The following MLLT3 variants were observed in gnomAD, a reference collection of about 807,000 sequenced individuals.
MLLT3 encodes the protein protein AF-9.
In MLLT3, 4 loss-of-function variants were observed where a neutral mutation model predicts 53.2. The ratio of observed to expected loss-of-function variants is 0.08; its 90% CI spans 0.04 to 0.17. The LOEUF (loss-of-function observed/expected upper bound fraction) is 0.17, where lower values mean the gene tolerates loss of function less well. Among genes scored for constraint, MLLT3 ranks in the 10% least tolerant of loss-of-function variants. The pLI is 1.00. For missense variants in MLLT3, 569 were observed against 684.0 expected (o/e 0.83, Z 1.87); for synonymous variants, 283 against 230.6 (o/e 1.23, Z -2.06).
At chr9:20,410,487 C>A (rs1822700732) in intron 5 of MLLT3, 1 of 152,006 alleles carries the variant, frequency 6.6e-6, no homozygotes, top group Non-Finnish European at 1.5e-5. Context: ...GCCCAAGATC[C>A]CTAGTGGCAC....
intron 3 of MLLT3, among the ~76,000 whole-genome samples, chr9:20,453,488 AG>A (rs1413320428): frequency 2.6e-5 from 4 of 152,234 alleles, no homozygotes; most frequent in Admixed American, 1.3e-4. Flanking sequence ...ACTTGATCTC[AG>A]GAAGTGGAGG....
rs35653310 is a variant in MLLT3, at chr9:20,622,295, A to ACC, written c.-41_-40dup. 7 of 1,460,962 alleles carry ACC rather than the reference A, an allele frequency of 4.8e-6. No individual in the cohort carries two copies. The highest frequency in any genetic ancestry group is 5.5e-6 in the Non-Finnish European group (6 of 1,081,246). 90.5% of individuals were successfully genotyped at this position (1,460,962 alleles called of 1,614,324 possible). A position where few individuals can be genotyped will look rare whatever the true frequency, so the allele number is the denominator to read the frequency against. ...GAGGTTTGCTGGGGTGTTGTGTGGT[A>ACC]CCCCCCCCTCCTCCGCCCCCCCTCA... On this transcript the variant is annotated 5_prime_UTR_variant, in exon 1 of 11. Transcript: ENST00000380338.
At chr9:20,601,837 T>C (rs1184902456) in intron 2 of MLLT3, among the ~76,000 whole-genome samples, 2 of 152,194 alleles carry the variant, frequency 1.3e-5, no homozygotes, top group Non-Finnish European at 2.9e-5. Context: ...CACCAAATTG[T>C]CAAATCACAG....
At position 20,621,113 on chromosome 9, in the gene MLLT3, G is replaced by C; in HGVS notation, c.13-279C>G. ...TATCCCCAGTCGGGAAGGGGGTCGG[G>C]GAAAAGAGGGAGAACACACTCAGCC... On this transcript the variant is annotated intron_variant, in intron 1 of 10. Coordinates refer to ENST00000380338, the MANE Select transcript of MLLT3 (RefSeq NM_004529.4). This position sits in a 1 kb window ranked among gnomAD's most constrained non-coding sequence, Gnocchi z 7.0. 1.7e-6 allele frequency: 1 copy of C among 574,308 alleles called. No individual in the cohort carries two copies. Among genetic ancestry groups the C allele is most frequent in the Non-Finnish European group, 3.1e-6 (1 of 317,656 alleles). 35.6% of individuals were successfully genotyped at this position (574,308 alleles called of 1,614,324 possible). A position where few individuals can be genotyped will look rare whatever the true frequency, so the allele number is the denominator to read the frequency against.
chr9:20,459,669 T>A (rs1379793787), intron 2 of MLLT3, among the ~76,000 whole-genome samples: 1 of 152,224 alleles, frequency 6.6e-6, no homozygotes, highest in Admixed American at 6.5e-5. Context: ...ATTGCTCCTA[T>A]TAACAGAAAC....
At chr9:20,599,923 TTTC>T (rs1820374706) in intron 2 of MLLT3, among the ~76,000 whole-genome samples, 1 of 152,114 alleles carries the variant, frequency 6.6e-6, no homozygotes, top group South Asian at 2.1e-4. Flanking sequence ...ATTGCTTAGC[TTTC>T]TTCTTTTTTC....
intron 2 of MLLT3, among the ~76,000 whole-genome samples, chr9:20,472,439 T>C (rs889738022): frequency 3.9e-5 from 6 of 152,070 alleles, no homozygotes; most frequent in Non-Finnish European, 5.9e-5. Flanking sequence ...AATAAGGGCT[T>C]ATCCTCAAAA....
chr9:20,529,315 A>G (rs1318691231), intron 2 of MLLT3, among the ~76,000 whole-genome samples: 1 of 152,206 alleles, frequency 6.6e-6, no homozygotes, highest in Non-Finnish European at 1.5e-5. Flanking sequence ...TTTTTTTACC[A>G]ATTTAATGCA....
chr9:20,406,633 C>T (rs766172326), intron 5 of MLLT3, among the ~76,000 whole-genome samples: 1 of 152,132 alleles, frequency 6.6e-6, no homozygotes, highest in Non-Finnish European at 1.5e-5. Flanking sequence ...TTCTTTCTTT[C>T]TCTATTTATT....
chr9:20,521,268 G>A (rs1273183175), intron 2 of MLLT3, among the ~76,000 whole-genome samples: 2 of 151,928 alleles, frequency 1.3e-5, no homozygotes, highest in East Asian at 1.9e-4. Context: ...ATGGGGTTTC[G>A]CCGTGTTGGC....
chr9:20,563,112 C>T (rs777673770), intron 2 of MLLT3, among the ~76,000 whole-genome samples: 2 of 152,042 alleles, frequency 1.3e-5, no homozygotes, highest in Non-Finnish European at 2.9e-5. Context: ...GGAAAGTTTC[C>T]AAGAAGCACA....
At chr9:20,472,712 G>C (rs1035453058) in intron 2 of MLLT3, among the ~76,000 whole-genome samples, 1 of 152,010 alleles carries the variant, frequency 6.6e-6, no homozygotes, top group Non-Finnish European at 1.5e-5. Context: ...TAAGCTATAA[G>C]TGCTAATACA....
At chr9:20,561,105 C>G (rs1433783974) in intron 2 of MLLT3, among the ~76,000 whole-genome samples, 2 of 152,102 alleles carry the variant, frequency 1.3e-5, no homozygotes, top group African/African-American at 4.8e-5. Context: ...GCCTCCTGTA[C>G]TTTTCTCCAG....
In MLLT3 at chr9:20,576,922, C is replaced by G. The variant is rs79497003; in HGVS notation, c.193+43732G>C. On this transcript the variant is annotated intron_variant, in intron 2 of 10. Coordinates refer to ENST00000380338, the MANE Select transcript of MLLT3 (RefSeq NM_004529.4). ...TCAGGAAGCTAAGTCATGAGAATCA[C>G]CTGAGCCCACGAGTTTGGGACCAGT... Among the ~76,000 whole-genome samples the G allele has an allele frequency of 9.8e-3, 1,490 of 152,234 alleles. 55 individuals carry two copies. In the East Asian group the frequency reaches 0.13, roughly 14 times the overall value.
intron 2 of MLLT3, among the ~76,000 whole-genome samples, chr9:20,574,811 T>C (rs769277043): frequency 4.6e-5 from 7 of 152,230 alleles, no homozygotes; most frequent in Non-Finnish European, 8.8e-5. Flanking sequence ...AAGATTTCTC[T>C]GTAGCATGTG....
At chr9:20,393,267 G>A (rs1169768550) in intron 5 of MLLT3, among the ~76,000 whole-genome samples, 1 of 152,146 alleles carries the variant, frequency 6.6e-6, no homozygotes, top group Non-Finnish European at 1.5e-5. Context: ...CCTAGTGACA[G>A]CCACAGTCTT....
chr9:20,518,245 T>C (rs1315834356), intron 2 of MLLT3, among the ~76,000 whole-genome samples: 1 of 152,060 alleles, frequency 6.6e-6, no homozygotes, highest in Non-Finnish European at 1.5e-5. Flanking sequence ...CTCAGGAGGC[T>C]GAGGCAGGAG....
At chr9:20,422,604 C>T (rs148130142) in intron 4 of MLLT3, among the ~76,000 whole-genome samples, 12 of 152,200 alleles carry the variant, frequency 7.9e-5, no homozygotes, top group South Asian at 2.1e-4. Context: ...TGATGCTGAC[C>T]GTTCAAGGAG....
chr9:20,620,630 G>T lies in MLLT3; in HGVS notation c.193+24C>A, dbSNP rs1160647772. ...TTGTTTCAAAGACATTTTTTATCAA[G>T]ACCCTTTTGTATTCGAGCCCTACCT... On this transcript the variant is annotated intron_variant, in intron 2 of 10. Transcript: ENST00000380338. This position sits in a 1 kb window ranked among gnomAD's most constrained non-coding sequence, Gnocchi z 6.1. 6.2e-7 allele frequency: 1 copy of T among 1,604,356 alleles called. No individual in the cohort carries two copies. The highest frequency in any genetic ancestry group is 1.1e-5 in the South Asian group (1 of 90,500).
Sources: gnomAD v4.1 joint callset for allele counts (sites outside exome capture counted in the v4.1 genomes callset) on GRCh38, gnomAD v4.1.1 for gene constraint, Gnocchi (gnomAD v3.1) non-coding constraint, MANE v1.5 for transcripts, NCBI Gene and HGNC (gene_info 2026-07-23, HGNC 2026-07-21) for gene names.